OPLAH: variants seen among roughly 807,000 people sequenced by gnomAD.
OPLAH encodes 5-oxoprolinase, ATP-hydrolysing.
A neutral mutation model predicts 122.8 loss-of-function variants in OPLAH; 103 were observed. The ratio of observed to expected loss-of-function variants is 0.84; its 90% CI spans 0.71 to 0.99. The LOEUF is 0.99. Ranked by LOEUF, OPLAH falls within the 50% of genes least tolerant of loss-of-function variation. The probability of loss-of-function intolerance (pLI) is 0.00; values close to 1 mark genes in which losing one functional copy is unlikely to be tolerated. For synonymous variants in OPLAH, 875 were observed against 796.0 expected (o/e 1.10, Z -1.67); for missense variants, 1,902 against 1,836.5 (o/e 1.04, Z -0.65).
Position 144,052,001 on chromosome 8 carries a change from G to A in OPLAH, c.3537C>T (p.Gly1179=). 6.3e-7 allele frequency: 1 copy of A among 1,585,786 alleles called. No homozygotes were observed. The change falls in exon 25 of 27, where the codon GGC becomes GGT. Residue 1179 remains glycine, a synonymous_variant. Transcript: ENST00000618853. ...GGRGRFRGGD[G]VTRELLFREE... ...CACGAAAGAGCAGCTCGCGGGTGAC[G>A]CCGTCGCCGCCTCGGAAGCGGCCTC...
chr8:144,051,578 C>T, intron 26 of OPLAH, 106 bp from the exon 27 acceptor site: 2 of 1,199,358 alleles, frequency 1.7e-6, no homozygotes, highest in Non-Finnish European at 2.3e-6. Flanking sequence ...CACCCGCCCC[C>T]ATGGACCACG....
upstream of OPLAH, among the ~76,000 whole-genome samples, chr8:144,063,342 C>CCGG (rs549472009): frequency 7.8e-4 from 119 of 152,368 alleles, 2 homozygotes; most frequent in East Asian, 0.022. The surrounding 1 kb of genome is among the most constrained non-coding windows in gnomAD (Gnocchi z 4.2). Context: ...CACCTCCACC[C>CCGG]CGGCCAGGCT....
At position 144,053,251 on chromosome 8, in the gene OPLAH, C is replaced by G. The variant is rs782674533; in HGVS notation, c.2829G>C (p.Gln943His). The change falls in exon 20 of 27, where the codon CAG becomes CAC. Residue 943 changes from glutamine to histidine, a missense_variant. By Grantham distance (24) the Gln-to-His change is conservative (BLOSUM62 0). This residue lies in a region of OPLAH where 1,726 missense variants were observed against 1,642.1 expected (regional missense o/e 1.05). Coordinates refer to ENST00000618853, the MANE Select transcript of OPLAH (RefSeq NM_017570.5). ...AGGCCTGCACCACGTCCAGGCCGTACTGCCCAATGAGCTCCCCCACCAGCT... is the reference window on the plus strand; with the variant it reads ...AGGCCTGCACCACGTCCAGGCCGTAGTGCCCAATGAGCTCCCCCACCAGCT... ...GIQLVGELIG[Q>H]YGLDVVQAYM... The G allele has an allele frequency of 8.7e-6, 14 of 1,613,002 alleles. No homozygotes were observed. The highest frequency in any genetic ancestry group is 1.2e-5 in the Non-Finnish European group (14 of 1,179,820).
upstream of OPLAH, among the ~76,000 whole-genome samples, chr8:144,061,621 CG>C (rs1564296166): frequency 6.6e-6 from 1 of 152,224 alleles, no homozygotes; most frequent in Admixed American, 6.5e-5. Context: ...AGCGCCATGG[CG>C]GTTTACCAGG....
rs908323185 is a variant in OPLAH at position 144,056,220 on chromosome 8, G to C, written c.2023C>G (p.Pro675Ala). 2 of 1,612,050 alleles carry C rather than the reference G, an allele frequency of 1.2e-6. No individual in the cohort carries two copies. The highest frequency in any genetic ancestry group is 1.7e-6 in the Non-Finnish European group (2 of 1,179,306). The change falls in exon 15 of 27, where the codon CCT (proline) becomes GCT (alanine). Residue 675 changes from proline to alanine, a missense_variant. Pro to Ala is a conservative substitution (Grantham distance 27). Around this residue, in one of 3 missense-constraint regions of OPLAH, gnomAD observed 1,726 missense variants for 1,642.1 expected, o/e 1.05. Coordinates refer to ENST00000618853, the MANE Select transcript of OPLAH (RefSeq NM_017570.5). ...CYFEGGYQET[P>A]VYLLAELGYG... ...CCCAGCTCTGCCAGCAGGTACACAG[G>C]GGTCTCCTGGTAGCCCCCCTCAAAG...
rs782482769 is a variant in OPLAH at position 144,055,821 on chromosome 8, A to G, written c.2215T>C (p.Ser739Pro). ...VGPQLDPIQLSIFSHRFMSIA... is the reference protein window; with the variant it reads ...VGPQLDPIQLPIFSHRFMSIA... ...CTCATGAAGCGGTGTGAGAAGATGG[A>G]CAGCTGGATAGGGTCCAGCTGGGGG... The change falls in exon 16 of 27, where the codon TCC becomes CCC. Residue 739 changes from serine (S) to proline (P), a missense_variant. By Grantham distance (74) the Ser-to-Pro change is moderately conservative. Coordinates refer to ENST00000618853, the MANE Select transcript of OPLAH (RefSeq NM_017570.5). The surrounding 1 kb of genome is among the most constrained non-coding windows in gnomAD (Gnocchi z 6.5). 1 of 1,561,878 alleles carries G rather than the reference A, an allele frequency of 6.4e-7. No individual in the cohort carries two copies. Among genetic ancestry groups the G allele is most frequent in the Non-Finnish European group, 8.7e-7 (1 of 1,154,628 alleles).
chr8:144,058,382 C>A lies in OPLAH; in HGVS notation c.806G>T (p.Arg269Leu). The change falls in exon 7 of 27, where the codon CGC (arginine) becomes CTC (leucine). Residue 269 changes from arginine to leucine, a missense_variant. Around this residue, in one of 3 missense-constraint regions of OPLAH, gnomAD observed 1,726 missense variants for 1,642.1 expected, o/e 1.05. Transcript: ENST00000618853. ...QLKDVQVLFM[R>L]SDGGLAPMDT... Reference sequence around the variant, plus strand: ...CATGGGCGCCAGGCCGCCATCGGAGCGCATGAACAACACCTGCACATCCTG... The same window carrying A: ...CATGGGCGCCAGGCCGCCATCGGAGAGCATGAACAACACCTGCACATCCTG... 2 of 1,592,866 alleles carry A rather than the reference C, an allele frequency of 1.3e-6. No homozygotes were observed. Among genetic ancestry groups the A allele is most frequent in the East Asian group, 2.3e-5 (1 of 44,100 alleles).
chr8:144,055,078 G>A lies in OPLAH; in HGVS notation c.2360C>T (p.Pro787Leu), dbSNP rs1360503198. 10 of 1,561,262 alleles carry A rather than the reference G, an allele frequency of 6.4e-6. No individual in the cohort carries two copies. Among genetic ancestry groups the A allele is most frequent in the South Asian group, 1.2e-5 (1 of 82,248 alleles). ...GGCACCCAGGTGCACAGGGATGTGG[G>A]GGGCATTGGACACCAGCCCCCCATC... Reference protein sequence around the residue: ...GPDGGLVSNAPHIPVHLGAMQ... With the variant: ...GPDGGLVSNALHIPVHLGAMQ... Residue 787 changes from proline to leucine, a missense_variant, in exon 17 of 27, where the codon CCC (proline) becomes CTC (leucine). Around this residue, in one of 3 missense-constraint regions of OPLAH, gnomAD observed 1,726 missense variants for 1,642.1 expected, o/e 1.05. Transcript: ENST00000618853. The surrounding 1 kb of genome is among the most constrained non-coding windows in gnomAD (Gnocchi z 6.5).
rs371199733 is a variant in OPLAH at position 144,058,598 on chromosome 8, G to A, written c.681C>T (p.Arg227=). 4 of 1,603,176 alleles carry A rather than the reference G, an allele frequency of 2.5e-6. No individual in the cohort carries two copies. In the African/African-American group the frequency reaches 4.0e-5, roughly 16 times the overall value. Residue 227 remains arginine (R), a synonymous_variant, in exon 6 of 27, where the codon CGC becomes CGT. Transcript: ENST00000618853. The part of the protein sequence containing the change: ...SLSSEAMPMV[R]IVPRGHTACA... ...AGGCCGTGTGCCCCCGAGGGACGATGCGCACCATGGGCATGGCCTCCGAGG... is the reference window on the plus strand; with the variant it reads ...AGGCCGTGTGCCCCCGAGGGACGATACGCACCATGGGCATGGCCTCCGAGG...
chr8:144,051,493 G>T (rs1554757644), intron 26 of OPLAH, 21 bp from the exon 27 acceptor site: 10 of 1,381,766 alleles, frequency 7.2e-6, no homozygotes, highest in Middle Eastern at 2.6e-4. Flanking sequence ...GGGGGGGGGC[G>T]GGGAGGCGGG....
chr8:144,060,125 G>C (rs1410619819), intron 1 of OPLAH, 40 bp from the exon 2 acceptor site: 1 of 1,381,886 alleles, frequency 7.2e-7, no homozygotes, highest in African/African-American at 1.4e-5. Context: ...ACCTGCGAGT[G>C]GGACTAGAGG....
At chr8:144,054,767 C>A in intron 18 of OPLAH, 32 bp from the exon 19 acceptor site, 6 of 1,612,008 alleles carry the variant, frequency 3.7e-6, no homozygotes, top group Non-Finnish European at 5.1e-6. Context: ...TCAGCTGCAT[C>A]GGCCACCACT....
In OPLAH at chr8:144,057,438, G is replaced by A. The variant is rs1554759562; in HGVS notation, c.1422+10C>T. 8.2e-6 allele frequency: 13 copies of A among 1,583,684 alleles called. No individual in the cohort carries two copies. Among genetic ancestry groups the A allele is most frequent in the African/African-American group, 1.3e-5 (1 of 74,464 alleles). ...GGGCAGGACAGGCGGGAGAGCAGAG[G>A]TGGACGTACCTGCGTGAGTGCACGG... On this transcript the variant is annotated intron_variant, in intron 10 of 26. Transcript: ENST00000618853.
chr8:144,051,301 T>C lies in OPLAH; in HGVS notation c.*25A>G. On this transcript the variant is annotated 3_prime_UTR_variant, in exon 27 of 27. Transcript: ENST00000618853. ...AGCTGCGTCCCCAGAACCGGGAGAC[T>C]TAAGGCATCTTTATTGCGGGATCCT... 6.2e-7 allele frequency: 1 copy of C among 1,609,984 alleles called. No individual in the cohort carries two copies. Among genetic ancestry groups the C allele is most frequent in the Non-Finnish European group, 8.5e-7 (1 of 1,178,708 alleles).
upstream of OPLAH, chr8:144,060,721 C>G (rs1835648224): frequency 6.6e-6 from 1 of 152,194 alleles, no homozygotes; most frequent in African/African-American, 2.4e-5. Context: ...CCTGCCCGCA[C>G]CAGCCTCGCC....
rs782125196 is a variant in OPLAH, at chr8:144,052,555, A to G, written c.3197T>C (p.Ile1066Thr). ...CGCCGCCTCGGGCGACGGGTCCAGG[A>G]TGGAGCCTCGGGGAATGACCACGCG... is the stretch of plus-strand genomic sequence containing the variant. ...PVRVVIPRGS[I>T]LDPSPEAAVV... Residue 1066 changes from isoleucine (I) to threonine (T), a missense_variant, in exon 23 of 27, where the codon ATC becomes ACC. Ile to Thr is a moderately conservative substitution (Grantham distance 89, BLOSUM62 -1). This residue lies in a region of OPLAH where 1,726 missense variants were observed against 1,642.1 expected (regional missense o/e 1.05). Coordinates refer to ENST00000618853, the MANE Select transcript of OPLAH (RefSeq NM_017570.5). 3.8e-5 allele frequency: 61 copies of G among 1,596,586 alleles called. No homozygotes were observed. Among genetic ancestry groups the G allele is most frequent in the Non-Finnish European group, 4.8e-5 (56 of 1,177,616 alleles).
Position 144,051,717 on chromosome 8 carries a change from C to A in OPLAH, c.3720+12G>T. The A allele has an allele frequency of 1.3e-6, 2 of 1,588,012 alleles. No individual in the cohort carries two copies. ...GGGAGGGGAGGGGGACAGGACAGGC[C>A]GCGGCCCTTACCCCGGGGTACACGG... On this transcript the variant is annotated intron_variant, in intron 26 of 26. Coordinates refer to ENST00000618853, the MANE Select transcript of OPLAH (RefSeq NM_017570.5).
At chr8:144,061,431 G>A (rs780402436), upstream of OPLAH, among the ~76,000 whole-genome samples, 13 of 152,012 alleles carry the variant, frequency 8.6e-5, no homozygotes, top group Non-Finnish European at 1.8e-4. Context: ...CAGGAGAATC[G>A]CTGGAACCCG....
rs555311470 is a variant in OPLAH at position 144,053,538 on chromosome 8, C to G, written c.2687-145G>C. On this transcript the variant is annotated intron_variant, in intron 19 of 26. Coordinates refer to ENST00000618853, the MANE Select transcript of OPLAH (RefSeq NM_017570.5). ...TGCTCAGCACCTCAGGAAAGCCCCT[C>G]TCCTTGAGCCTGGCTCAGGGTCCCC... 2.3e-5 allele frequency: 18 copies of G among 775,306 alleles called. No homozygotes were observed. In the Admixed American group the frequency reaches 3.8e-4, roughly 16 times the overall value. 48.0% of individuals were successfully genotyped at this position (775,306 alleles called of 1,614,324 possible). A position where few individuals can be genotyped will look rare whatever the true frequency, so the allele number is the denominator to read the frequency against.
Sources: gnomAD v4.1 joint callset for allele counts (sites outside exome capture counted in the v4.1 genomes callset) on GRCh38, gnomAD v4.1.1 for gene constraint, gnomAD v4.1.1 regional missense constraint, Gnocchi (gnomAD v3.1) non-coding constraint, MANE v1.5 for transcripts, NCBI Gene and HGNC (gene_info 2026-07-23, HGNC 2026-07-21) for gene names.